Variants in DGKB observed in about 807,000 individuals in gnomAD.
DGKB encodes the protein diacylglycerol kinase beta.
In DGKB, 67 loss-of-function variants were observed where a neutral mutation model predicts 114.3. The observed-to-expected ratio is 0.59, with a 90% CI of 0.48 to 0.72. The LOEUF is 0.72. DGKB is among the 30% of genes least tolerant of loss of function. The probability of loss-of-function intolerance (pLI) is 0.00; values close to 1 mark genes in which losing one functional copy is unlikely to be tolerated. For missense variants in DGKB, 907 were observed against 975.2 expected (o/e 0.93, Z 0.93); for synonymous variants, 398 against 323.1 (o/e 1.23, Z -2.49).
At position 14,718,525 on chromosome 7, in the gene DGKB, A is replaced by T; in HGVS notation, c.466+17T>A. Reference sequence around the variant, plus strand: ...GCCCCCAATCACGATAAGTAAACAAAATGAAGAAACACATACACTCAAGCT... The same window carrying T: ...GCCCCCAATCACGATAAGTAAACAATATGAAGAAACACATACACTCAAGCT... On this transcript the variant is annotated intron_variant, in intron 6 of 25. Coordinates refer to ENST00000402815, the MANE Select transcript of DGKB (RefSeq NM_001350709.2). 6 of 1,596,524 alleles carry T rather than the reference A, an allele frequency of 3.8e-6. No individual in the cohort carries two copies. The highest frequency in any genetic ancestry group is 5.1e-6 in the Non-Finnish European group (6 of 1,173,718).
At chr7:14,232,651 T>G (rs905589423) in intron 23 of DGKB, among the ~76,000 whole-genome samples, 2 of 151,938 alleles carry the variant, frequency 1.3e-5, no homozygotes, top group African/African-American at 4.8e-5. Context: ...AATCCCTAAT[T>G]CAGAAAGCAA....
chr7:14,630,410 C>A, intron 13 of DGKB, 142 bp from the exon 14 acceptor site: 1 of 530,040 alleles, frequency 1.9e-6, no homozygotes, highest in South Asian at 3.3e-5. Context: ...TTTACTGCTT[C>A]CTTGAATTAA....
chr7:14,201,701 G>A lies in DGKB; in HGVS notation c.2123-23550C>T, dbSNP rs181108356. The stretch of plus-strand genomic sequence containing the variant: ...ATGTGCTGGTATTGTGGACTCTGTG[G>A]GACATCCACATGGAGCTCTCTATAG... On this transcript the variant is annotated intron_variant, in intron 23 of 25. Transcript: ENST00000402815. 6.5e-3 allele frequency among the ~76,000 whole-genome samples: 987 copies of A among 151,996 alleles called. 5 individuals are homozygous for A. The highest frequency in any genetic ancestry group is 0.011 in the Non-Finnish European group (773 of 67,922).
At chr7:14,576,331 T>C (rs1239362431) in intron 19 of DGKB, among the ~76,000 whole-genome samples, 1 of 151,974 alleles carries the variant, frequency 6.6e-6, no homozygotes, top group African/African-American at 2.4e-5. Flanking sequence ...TACCTTATTT[T>C]AAATGTTTAA....
At chr7:14,701,182 T>A (rs936815137) in intron 7 of DGKB, among the ~76,000 whole-genome samples, 1 of 152,192 alleles carries the variant, frequency 6.6e-6, no homozygotes, top group African/African-American at 2.4e-5. Flanking sequence ...AAAGCAAAGT[T>A]TGTGAAAGCA....
At chr7:14,356,869 T>G (rs1814650568) in intron 21 of DGKB, among the ~76,000 whole-genome samples, 1 of 152,208 alleles carries the variant, frequency 6.6e-6, no homozygotes, top group South Asian at 2.1e-4. Flanking sequence ...CAGTAGCCAT[T>G]CAGGAGCAGG....
chr7:14,547,084 G>A (rs577989824), intron 20 of DGKB, among the ~76,000 whole-genome samples: 1 of 152,242 alleles, frequency 6.6e-6, no homozygotes, highest in African/African-American at 2.4e-5. Flanking sequence ...TGAGCAATAT[G>A]AAATTAAAAT....
intron 2 of DGKB, among the ~76,000 whole-genome samples, chr7:14,822,025 T>C (rs897979322): frequency 7.9e-5 from 12 of 152,184 alleles, no homozygotes; most frequent in Non-Finnish European, 1.5e-4. Context: ...TATGGAATGA[T>C]GGTAGCACAA....
At chr7:14,348,491 A>T (rs1203709490) in intron 21 of DGKB, among the ~76,000 whole-genome samples, 2 of 152,036 alleles carry the variant, frequency 1.3e-5, no homozygotes, top group Non-Finnish European at 2.9e-5. Flanking sequence ...ATAGATATAC[A>T]GATGGAAAAA....
intron 1 of DGKB, among the ~76,000 whole-genome samples, chr7:14,855,523 A>C (rs1214895118): frequency 6.6e-6 from 1 of 152,180 alleles, no homozygotes; most frequent in African/African-American, 2.4e-5. Context: ...ACGTGCATTC[A>C]CACACAAACA....
At chr7:14,246,520 T>C (rs1196093090) in intron 23 of DGKB, among the ~76,000 whole-genome samples, 2 of 152,254 alleles carry the variant, frequency 1.3e-5, no homozygotes, top group African/African-American at 4.8e-5. Flanking sequence ...GAGAATACCA[T>C]ATATGATTTG....
intron 21 of DGKB, among the ~76,000 whole-genome samples, chr7:14,392,443 A>G (rs567802089): frequency 4.2e-4 from 64 of 152,352 alleles, no homozygotes; most frequent in African/African-American, 1.4e-3. Flanking sequence ...CTGCATCCTC[A>G]TAATTATCAG....
At chr7:14,402,712 G>A (rs187973406) in intron 21 of DGKB, among the ~76,000 whole-genome samples, 1 of 151,904 alleles carries the variant, frequency 6.6e-6, no homozygotes, top group South Asian at 2.1e-4. Context: ...ATGATACCCA[G>A]TTTGGCCACA....
At position 14,145,065 on chromosome 7, in the gene DGKB, T is replaced by A. The variant is rs1781340836; in HGVS notation, c.*4066A>T. On this transcript the variant is annotated 3_prime_UTR_variant, in exon 26 of 26. Transcript: ENST00000402815. ...ACACTGAACTGAGTGGTTAACGTTT[T>A]TATTTCAAAAAACAGGATATTGTAT... The A allele has an allele frequency of 6.6e-6, 1 of 152,162 alleles. No homozygotes were observed. Among genetic ancestry groups the A allele is most frequent in the Non-Finnish European group, 1.5e-5 (1 of 68,028 alleles). 9.4% of individuals were successfully genotyped at this position (152,162 alleles called of 1,614,324 possible).
chr7:14,300,441 A>G (rs1405805711), intron 23 of DGKB, among the ~76,000 whole-genome samples: 1 of 152,176 alleles, frequency 6.6e-6, no homozygotes, highest in African/African-American at 2.4e-5. Flanking sequence ...ACATTGATAC[A>G]TACAATGATA....
intron 23 of DGKB, among the ~76,000 whole-genome samples, chr7:14,326,875 C>T (rs1808831660): frequency 1.3e-5 from 2 of 152,044 alleles, no homozygotes; most frequent in Non-Finnish European, 2.9e-5. Context: ...TTAGCCTGTC[C>T]CCATTAACCA....
chr7:14,275,114 AAAT>A (rs1480063623), intron 23 of DGKB, among the ~76,000 whole-genome samples: 2 of 152,206 alleles, frequency 1.3e-5, no homozygotes, highest in African/African-American at 4.8e-5. Context: ...CTCTGGGCAG[AAAT>A]AATTCACAGT....
chr7:14,525,255 C>A (rs1488061892), intron 20 of DGKB, among the ~76,000 whole-genome samples: 2 of 152,188 alleles, frequency 1.3e-5, no homozygotes, highest in Admixed American at 6.6e-5. Flanking sequence ...TAGCCCTGAT[C>A]TGAACAATGC....
rs146913224 is a variant in DGKB, at chr7:14,152,755, A to T, written c.2305-3517T>A. Among the ~76,000 whole-genome samples, 328 of 152,274 alleles carry T rather than the reference A, an allele frequency of 2.2e-3. 2 individuals carry two copies. The highest frequency in any genetic ancestry group is 7.4e-3 in the African/African-American group (307 of 41,586). On this transcript the variant is annotated intron_variant, in intron 25 of 25. Coordinates refer to ENST00000402815, the MANE Select transcript of DGKB (RefSeq NM_001350709.2). The stretch of plus-strand genomic sequence containing the variant: ...TCAAAGATTACAAAGCATAGTCTTC[A>T]TCTTCTTATTTCTATTACATTTTTA...
Sources: allele counts gnomAD v4.1 joint callset (sites outside exome capture counted in the v4.1 genomes callset), GRCh38; gene constraint gnomAD v4.1.1; transcripts MANE v1.5; gene names NCBI Gene and HGNC (gene_info 2026-07-23, HGNC 2026-07-21).